Variants in TRAPPC12 observed in about 807,000 individuals in gnomAD.
TRAPPC12 encodes the protein TPR repeat protein 15.
Under a neutral mutation model 69.2 loss-of-function variants are expected in TRAPPC12, and 61 were observed. That is an observed-to-expected ratio of 0.88 (90% CI 0.72 to 1.09). The LOEUF (loss-of-function observed/expected upper bound fraction) is 1.09. TRAPPC12 is among the 50% of genes least tolerant of loss of function. The pLI is 0.00. For missense variants in TRAPPC12, 1,101 were observed against 1,016.4 expected, an observed-to-expected ratio of 1.08 and a Z score of -1.13; for synonymous variants, 469 against 438.9, an observed-to-expected ratio of 1.07 and a Z score of -0.86.
chr2:3,382,863 T>A (rs183547444), intron 1 of TRAPPC12, among the ~76,000 whole-genome samples: 34 of 152,316 alleles, frequency 2.2e-4, no homozygotes, highest in Admixed American at 1.6e-3. Flanking sequence ...AGATCGAGGC[T>A]GCAGTAAGCC....
At chr2:3,403,230 A>ATTTTTTT (rs35354979) in intron 3 of TRAPPC12, among the ~76,000 whole-genome samples, 14 of 119,398 alleles carry the variant, frequency 1.2e-4, no homozygotes, top group Middle Eastern at 4.5e-3. Flanking sequence ...GATTTCACCA[A>ATTTTTTT]TTTTTTTTTT....
At chr2:3,432,034 C>T (rs555916576) in intron 5 of TRAPPC12, among the ~76,000 whole-genome samples, 1 of 152,272 alleles carries the variant, frequency 6.6e-6, no homozygotes, top group Non-Finnish European at 1.5e-5. Context: ...TTTTAAAGTA[C>T]CACATTCTGC....
intron 2 of TRAPPC12, among the ~76,000 whole-genome samples, chr2:3,399,032 C>T (rs1216121787): frequency 1.3e-5 from 2 of 152,224 alleles, no homozygotes; most frequent in African/African-American, 4.8e-5. Flanking sequence ...CACCTCCCTG[C>T]GCTGTCACCA....
At chr2:3,392,300 C>T (rs1660872238) in intron 2 of TRAPPC12, among the ~76,000 whole-genome samples, 1 of 152,014 alleles carries the variant, frequency 6.6e-6, no homozygotes, top group Admixed American at 6.6e-5. Flanking sequence ...ATCCTCTCTC[C>T]TGACACAAAG....
intron 4 of TRAPPC12, among the ~76,000 whole-genome samples, chr2:3,422,471 A>C (rs1321108643): frequency 6.6e-6 from 1 of 152,256 alleles, no homozygotes; most frequent in South Asian, 2.1e-4. Flanking sequence ...ACTTGTGAAC[A>C]AAAGGAAACT....
intron 6 of TRAPPC12, among the ~76,000 whole-genome samples, chr2:3,447,882 C>A (rs1041697756): frequency 6.6e-6 from 1 of 152,136 alleles, no homozygotes; most frequent in African/African-American, 2.4e-5. Flanking sequence ...TTCACAACTC[C>A]AGGAAATCCT....
At chr2:3,436,927 C>T (rs1284247124) in intron 5 of TRAPPC12, among the ~76,000 whole-genome samples, 1 of 138,038 alleles carries the variant, frequency 7.2e-6, no homozygotes, top group African/African-American at 2.8e-5. Context: ...TTAATCCCCC[C>T]ACCACCCCTG....
At chr2:3,389,669 G>A (rs557874736) in intron 2 of TRAPPC12, 1 of 471,206 alleles carries the variant, frequency 2.1e-6, no homozygotes, top group Admixed American at 2.3e-5. Flanking sequence ...GCCGAAGGGG[G>A]TGGGGGATGG....
chr2:3,460,599 AGTATTGT>A (rs1027346056), intron 8 of TRAPPC12: 25 of 425,134 alleles, frequency 5.9e-5, no homozygotes, highest in Non-Finnish European at 8.7e-5. Context: ...TTTAATTAAA[AGTATTGT>A]TCATTTTCCC....
At chr2:3,415,929 G>C (rs1323533537) in intron 3 of TRAPPC12, among the ~76,000 whole-genome samples, 5 of 151,136 alleles carry the variant, frequency 3.3e-5, no homozygotes, top group South Asian at 2.1e-4. Context: ...TGTTAGCCAG[G>C]ATGGTCTCGA....
chr2:3,447,963 T>G (rs531608005), intron 6 of TRAPPC12, among the ~76,000 whole-genome samples: 1 of 152,330 alleles, frequency 6.6e-6, no homozygotes, highest in African/African-American at 2.4e-5. Flanking sequence ...CTGCATTGTT[T>G]AAAGTATTCA....
At chr2:3,397,700 G>A (rs140950971) in intron 2 of TRAPPC12, among the ~76,000 whole-genome samples, 25 of 152,342 alleles carry the variant, frequency 1.6e-4, no homozygotes, top group African/African-American at 6.0e-4. Flanking sequence ...AAACCACAAA[G>A]GATTATGTAG....
rs1662834433 is a variant in TRAPPC12, at chr2:3,422,130, T to A, written c.1278+136T>A. On this transcript the variant is annotated intron_variant, in intron 4 of 11. Coordinates refer to ENST00000324266, the MANE Select transcript of TRAPPC12 (RefSeq NM_016030.6). ...GCTTCTTTCTCTCCTAATTATATTGTATATACTATACTGGGGCACTGGAAT... is the reference window on the plus strand; with the variant it reads ...GCTTCTTTCTCTCCTAATTATATTGAATATACTATACTGGGGCACTGGAAT... 1.7e-5 allele frequency: 12 copies of A among 720,094 alleles called. No homozygotes were observed. In the Admixed American group the frequency reaches 3.0e-4, roughly 18 times the overall value. The allele number at this position is 720,094 out of a possible 1,614,324, so 44.6% of individuals were successfully genotyped here. A position where few individuals can be genotyped will look rare whatever the true frequency, so the allele number is the denominator to read the frequency against.
intron 3 of TRAPPC12, among the ~76,000 whole-genome samples, chr2:3,404,316 G>A (rs1661611367): frequency 6.6e-6 from 1 of 152,112 alleles, no homozygotes; most frequent in Admixed American, 6.5e-5. Context: ...ATTGTCAGCA[G>A]ATCTCTTGCT....
intron 7 of TRAPPC12, chr2:3,458,314 A>C: frequency 1.0e-6 from 1 of 986,622 alleles, no homozygotes. Flanking sequence ...GCTCCCTCCC[A>C]GGTAGCCCCA....
chr2:3,458,083 C>G (rs888774548), intron 7 of TRAPPC12: 4 of 1,035,614 alleles, frequency 3.9e-6, no homozygotes, highest in Non-Finnish European at 4.6e-6. Flanking sequence ...GCGTCGGGGA[C>G]AGAGGCTCGG....
intron 10 of TRAPPC12, 187 bp downstream of exon 10, chr2:3,477,982 G>A: frequency 4.4e-6 from 2 of 449,630 alleles, no homozygotes; most frequent in Non-Finnish European, 8.1e-6. Context: ...TGTTCTTTTA[G>A]TCACAGAAGC....
At chr2:3,404,892 G>GGGGGCGC (rs1661644204) in intron 3 of TRAPPC12, among the ~76,000 whole-genome samples, 1 of 151,534 alleles carries the variant, frequency 6.6e-6, no homozygotes, top group Non-Finnish European at 1.5e-5. Flanking sequence ...TTACGGGGGA[G>GGGGGCGC]GGGGCGCAAA....
At position 3,424,677 on chromosome 2, in the gene TRAPPC12, A is replaced by G; in HGVS notation, c.1417+14A>G. ...CTGGGCGCAGGGGTAAGGCCATGGT[A>G]TTTAATATTTGTACATTTGTCTGTG... On this transcript the variant is annotated intron_variant, in intron 5 of 11. Coordinates refer to ENST00000324266, the MANE Select transcript of TRAPPC12 (RefSeq NM_016030.6). 1 of 1,571,064 alleles carries G rather than the reference A, an allele frequency of 6.4e-7. No homozygotes were observed. Among genetic ancestry groups the G allele is most frequent in the Non-Finnish European group, 8.6e-7 (1 of 1,161,316 alleles).
Sources: gnomAD v4.1 joint callset for allele counts (sites outside exome capture counted in the v4.1 genomes callset) on GRCh38, gnomAD v4.1.1 for gene constraint, MANE v1.5 for transcripts, NCBI Gene and HGNC (gene_info 2026-07-23, HGNC 2026-07-21) for gene names.